The following TMOD1 variants were observed in gnomAD, a reference collection of about 807,000 sequenced individuals.
The protein encoded by TMOD1 is tropomodulin-1.
Under a neutral mutation model 40.6 loss-of-function variants are expected in TMOD1, and 17 were observed. The ratio of observed to expected loss-of-function variants is 0.42; its 90% CI spans 0.29 to 0.63. The LOEUF is 0.63. TMOD1 is among the 20% of genes least tolerant of loss of function. The pLI is 0.22. For missense variants in TMOD1, 391 were observed against 447.6 expected (o/e 0.87, Z 1.14); for synonymous variants, 181 against 175.0 (o/e 1.03, Z -0.27).
At chr9:97,595,532 C>A (rs200011740) in intron 9 of TMOD1, among the ~76,000 whole-genome samples, 1 of 128,022 alleles carries the variant, frequency 7.8e-6, no homozygotes, top group Admixed American at 7.9e-5. Flanking sequence ...GAACAAATTT[C>A]CTTTTTTTTT....
At chr9:97,517,122 G>A (rs140015251) in intron 1 of TMOD1, among the ~76,000 whole-genome samples, 2,941 of 152,134 alleles carry the variant, frequency 0.019, 100 homozygotes, top group African/African-American at 0.068. Context: ...TGAAGCGGGA[G>A]GATTGCTTGA....
intron 2 of TMOD1, among the ~76,000 whole-genome samples, chr9:97,525,519 G>T (rs754215793): frequency 6.6e-6 from 1 of 152,238 alleles, no homozygotes; most frequent in Non-Finnish European, 1.5e-5. Flanking sequence ...CACCTCAGCT[G>T]GTTGTGGTTC....
intron 8 of TMOD1, among the ~76,000 whole-genome samples, chr9:97,569,552 T>C (rs979953524): frequency 2.0e-5 from 3 of 152,384 alleles, no homozygotes; most frequent in Non-Finnish European, 2.9e-5. Context: ...TTTATTCTTA[T>C]GGAGTTACTG....
intron 9 of TMOD1, among the ~76,000 whole-genome samples, chr9:97,594,108 G>C (rs1254841550): frequency 6.6e-6 from 1 of 152,180 alleles, no homozygotes; most frequent in African/African-American, 2.4e-5. Context: ...GACCGTGGCA[G>C]TTTCCTGGAC....
intron 4 of TMOD1, among the ~76,000 whole-genome samples, chr9:97,558,177 G>A (rs960834216): frequency 5.9e-5 from 9 of 152,240 alleles, no homozygotes; most frequent in Non-Finnish European, 1.2e-4. Flanking sequence ...CCTCTGAGCT[G>A]CAAAATGGTT....
chr9:97,523,917 A>G (rs1332879630), intron 1 of TMOD1, among the ~76,000 whole-genome samples: 1 of 152,252 alleles, frequency 6.6e-6, no homozygotes, highest in Non-Finnish European at 1.5e-5. Flanking sequence ...TGTCCATGCC[A>G]ATTCTAACCA....
chr9:97,591,449 T>C lies in TMOD1; in HGVS notation c.1015+14T>C. ...ACAATGACCTTGGTGAGTAGAAATA[T>C]GCTTCCTGCCCTGCCCGCAGTCCTG... On this transcript the variant is annotated intron_variant, in intron 9 of 9. Coordinates refer to ENST00000259365, the MANE Select transcript of TMOD1 (RefSeq NM_003275.4). The C allele has an allele frequency of 6.2e-7, 1 of 1,613,264 alleles. No homozygotes were observed. Among genetic ancestry groups the C allele is most frequent in the Non-Finnish European group, 8.5e-7 (1 of 1,179,494 alleles).
At chr9:97,597,525 T>C (rs370725813) in intron 9 of TMOD1, among the ~76,000 whole-genome samples, 1 of 151,688 alleles carries the variant, frequency 6.6e-6, no homozygotes, top group East Asian at 1.9e-4. Context: ...GGTGAAACAC[T>C]GTCTCTACTA....
At chr9:97,570,940 T>C (rs1385564082) in intron 8 of TMOD1, among the ~76,000 whole-genome samples, 1 of 152,262 alleles carries the variant, frequency 6.6e-6, no homozygotes, top group Non-Finnish European at 1.5e-5. Flanking sequence ...ATTTCCTGCA[T>C]TGGACTCCTT....
chr9:97,601,105 A>G lies in TMOD1; in HGVS notation c.*1407A>G. 8 of 1,304,304 alleles carry G rather than the reference A, an allele frequency of 6.1e-6. No individual in the cohort carries two copies. The highest frequency in any genetic ancestry group is 8.1e-6 in the Non-Finnish European group (8 of 988,954). The allele number at this position is 1,304,304 out of a possible 1,614,324, so 80.8% of individuals were successfully genotyped here. A position where few individuals can be genotyped will look rare whatever the true frequency, so the allele number is the denominator to read the frequency against. ...GGGGCCAGGGCCTCAGCGCTATGGA[A>G]GAGTGTCCACTGAGGCTGCACATGG... On this transcript the variant is annotated 3_prime_UTR_variant, in exon 10 of 10. Transcript: ENST00000259365.
rs1826250491 is a variant in TMOD1 at position 97,601,196 on chromosome 9, C to T, written c.*1498C>T. On this transcript the variant is annotated 3_prime_UTR_variant, in exon 10 of 10. Coordinates refer to ENST00000259365, the MANE Select transcript of TMOD1 (RefSeq NM_003275.4). ...TTGGCTTCTCCTTAAAACACAATTG[C>T]AGCTGCATTCTGCATCGCTGAAAAC... 7.7e-7 allele frequency: 1 copy of T among 1,295,524 alleles called. No individual in the cohort carries two copies. The highest frequency in any genetic ancestry group is 1.0e-6 in the Non-Finnish European group (1 of 983,758). 80.3% of individuals were successfully genotyped at this position (1,295,524 alleles called of 1,614,324 possible).
chr9:97,524,514 GTGTGTGTA>G (rs1157010360), intron 2 of TMOD1, among the ~76,000 whole-genome samples: 11 of 151,300 alleles, frequency 7.3e-5, no homozygotes, highest in East Asian at 1.9e-4. Context: ...GTGTGTGTGT[GTGTGTGTA>G]TGTGTGTGTG....
intron 3 of TMOD1, among the ~76,000 whole-genome samples, chr9:97,551,976 A>G (rs1830460732): frequency 6.6e-6 from 1 of 152,140 alleles, no homozygotes; most frequent in African/African-American, 2.4e-5. Flanking sequence ...TTTCCTTTTC[A>G]AATTTTTCAT....
At position 97,589,785 on chromosome 9, in the gene TMOD1, G is replaced by A. The variant is rs1203266028; in HGVS notation, c.871-1506G>A. 2.6e-5 allele frequency among the ~76,000 whole-genome samples: 4 copies of A among 152,016 alleles called. No individual in the cohort carries two copies. In the East Asian group the frequency reaches 7.7e-4, roughly 29 times the overall value. The stretch of plus-strand genomic sequence containing the variant: ...ACATCCTTATCTTGTTCCTAATCTT[G>A]GAGGGAAAGCTTTCAGTCTTTAACT... On this transcript the variant is annotated intron_variant, in intron 8 of 9. Transcript: ENST00000259365.
At position 97,541,337 on chromosome 9, in the gene TMOD1, G is replaced by A. The variant is rs191376771; in HGVS notation, c.121-4848G>A. On this transcript the variant is annotated intron_variant, in intron 2 of 9. Coordinates refer to ENST00000259365, the MANE Select transcript of TMOD1 (RefSeq NM_003275.4). ...CGTGTAGCTGGGACTGCAGATGTGCGCCACCATGCCCGGCTAATTTTTGTA... is the reference window on the plus strand; with the variant it reads ...CGTGTAGCTGGGACTGCAGATGTGCACCACCATGCCCGGCTAATTTTTGTA... Among the ~76,000 whole-genome samples, 46 of 151,530 alleles carry A rather than the reference G, an allele frequency of 3.0e-4. No homozygotes were observed. The East Asian group carries it at 6.6e-3, about 22-fold the overall frequency.
chr9:97,569,577 C>T (rs1243110954), intron 8 of TMOD1, among the ~76,000 whole-genome samples: 1 of 152,170 alleles, frequency 6.6e-6, no homozygotes, highest in Non-Finnish European at 1.5e-5. Flanking sequence ...TCTGTAACTT[C>T]TGTGGGTCAA....
At chr9:97,506,376 T>C (rs1279971561) in intron 1 of TMOD1, among the ~76,000 whole-genome samples, 4 of 152,204 alleles carry the variant, frequency 2.6e-5, no homozygotes, top group Non-Finnish European at 5.9e-5. Context: ...ATGTGTGACA[T>C]AGTACAGGCA....
chr9:97,586,895 G>A (rs893508863), intron 8 of TMOD1, among the ~76,000 whole-genome samples: 12 of 152,134 alleles, frequency 7.9e-5, no homozygotes, highest in Admixed American at 6.5e-4. Context: ...ACTGACCCGC[G>A]CCCACTGTCT....
chr9:97,554,212 G>A (rs1250643747), intron 4 of TMOD1, among the ~76,000 whole-genome samples: 5 of 152,140 alleles, frequency 3.3e-5, no homozygotes, highest in Non-Finnish European at 7.4e-5. Context: ...AAGGCTCGAG[G>A]CAGGTGGGCA....
Sources: allele counts gnomAD v4.1 joint callset (sites outside exome capture counted in the v4.1 genomes callset), GRCh38; gene constraint gnomAD v4.1.1; transcripts MANE v1.5; gene names NCBI Gene and HGNC (gene_info 2026-07-23, HGNC 2026-07-21).